CENPN: variants seen among roughly 807,000 people sequenced by gnomAD.
CENPN encodes interphase centromere complex protein 32.
A neutral mutation model predicts 48.6 loss-of-function variants in CENPN; 36 were observed. The ratio of observed to expected loss-of-function variants is 0.74; its 90% confidence interval spans 0.57 to 0.98. CENPN has a LOEUF of 0.98. Ranked by LOEUF, CENPN falls within the 50% of genes least tolerant of loss-of-function variation. CENPN has a pLI of 0.00. For missense variants in CENPN, 439 were observed against 399.2 expected, an observed-to-expected ratio of 1.10 and a Z score of -0.85; for synonymous variants, 166 against 135.2, an observed-to-expected ratio of 1.23 and a Z score of -1.58.
At chr16:81,015,369 T>C (rs1264179395) in intron 3 of CENPN, among the ~76,000 whole-genome samples, 1 of 152,256 alleles carries the variant, frequency 6.6e-6, no homozygotes, top group Admixed American at 6.5e-5. Context: ...TTAACATCTC[T>C]GTGGCATACC....
At chr16:81,007,677 C>T (rs568021715) in intron 1 of CENPN, among the ~76,000 whole-genome samples, 7 of 152,334 alleles carry the variant, frequency 4.6e-5, no homozygotes, top group African/African-American at 1.2e-4. Flanking sequence ...TTGCTCCTCG[C>T]ATTGCCTGTT....
chr16:81,007,996 A>G (rs878969344), intron 1 of CENPN, among the ~76,000 whole-genome samples: 1 of 151,984 alleles, frequency 6.6e-6, no homozygotes, highest in Admixed American at 6.6e-5. Context: ...AATCCCAGCT[A>G]TTTGGGAGGC....
At position 81,030,395 on chromosome 16, in the gene CENPN, A is replaced by G; in HGVS notation, c.*1744A>G. 1.0e-6 allele frequency: 1 copy of G among 985,158 alleles called. No individual in the cohort carries two copies. Among genetic ancestry groups the G allele is most frequent in the Non-Finnish European group, 1.2e-6 (1 of 829,772 alleles). The allele number at this position is 985,158 out of a possible 1,614,324, so 61.0% of individuals were successfully genotyped here. On this transcript the variant is annotated 3_prime_UTR_variant, in exon 11 of 11. Coordinates refer to ENST00000305850, the MANE Select transcript of CENPN (RefSeq NM_001100624.3). The stretch of plus-strand genomic sequence containing the variant: ...TACTCTCACACTTCTGATACCAGAT[A>G]TGTGGGGGAGGGGGTTTCCCCCACA...
intron 1 of CENPN, among the ~76,000 whole-genome samples, chr16:81,010,840 G>A (rs956675055): frequency 3.9e-5 from 6 of 152,084 alleles, no homozygotes; most frequent in Admixed American, 2.6e-4. Context: ...TGGAAACCCC[G>A]TGAGTTCCCT....
chr16:81,026,431 T>C, intron 8 of CENPN, 95 bp from the exon 9 acceptor site: 1 of 524,922 alleles, frequency 1.9e-6, no homozygotes. Flanking sequence ...TTTAAAATTA[T>C]ACAAACAATT....
intron 5 of CENPN, among the ~76,000 whole-genome samples, chr16:81,019,745 A>G (rs1293180161): frequency 6.6e-6 from 1 of 151,970 alleles, no homozygotes; most frequent in East Asian, 1.9e-4. Context: ...GCATGATGGC[A>G]CGTGCCTGTG....
chr16:81,010,947 A>G (rs1256532445), intron 1 of CENPN, among the ~76,000 whole-genome samples: 1 of 152,166 alleles, frequency 6.6e-6, no homozygotes, highest in East Asian at 1.9e-4. Flanking sequence ...TACAGTAGCG[A>G]GATTGATCCT....
chr16:81,028,295 C>A lies in CENPN; in HGVS notation c.935C>A (p.Ala312Glu). 1 of 1,613,988 alleles carries A rather than the reference C, an allele frequency of 6.2e-7. No individual in the cohort carries two copies. Among genetic ancestry groups the A allele is most frequent in the Non-Finnish European group, 8.5e-7 (1 of 1,179,934 alleles). Residue 312 changes from alanine to glutamate, a missense_variant and splice_region_variant, in exon 10 of 11, where the codon GCG (alanine) becomes GAG (glutamate). Transcript: ENST00000305850. ...LLEALKSLAP[A>E]GIADAPLSPL... Reference sequence around the variant, plus strand: ...GAAGCATTGAAATCCTTAGCACCAGCGGGTGAGTGGTCAGCTTACTCTATA... The same window carrying A: ...GAAGCATTGAAATCCTTAGCACCAGAGGGTGAGTGGTCAGCTTACTCTATA...
chr16:81,032,237 A>G (rs1441610962), downstream of CENPN, among the ~76,000 whole-genome samples: 3 of 152,228 alleles, frequency 2.0e-5, no homozygotes, highest in Non-Finnish European at 4.4e-5. Flanking sequence ...AGACTGAGGA[A>G]TAGAGCCACA....
chr16:81,024,239 A>G (rs993301427), intron 7 of CENPN: 1 of 139,052 alleles, frequency 7.2e-6, no homozygotes, highest in South Asian at 2.3e-4. Flanking sequence ...GATATTGTCT[A>G]AAAAAAAAAA....
At chr16:81,032,780 T>A, downstream of CENPN, 2 of 1,350,198 alleles carry the variant, frequency 1.5e-6, no homozygotes, top group Non-Finnish European at 2.0e-6. Context: ...TATAGACTAA[T>A]GCAGGCCTCC....
downstream of CENPN, chr16:81,032,520 C>G: frequency 2.0e-6 from 3 of 1,519,898 alleles, no homozygotes; most frequent in Non-Finnish European, 2.7e-6. Context: ...GTCTTTTCTC[C>G]TATTAATCCG....
chr16:81,030,153 T>G lies in CENPN; in HGVS notation c.*1502T>G. ...TCCACCTGGCCCTGCCCTTGTCACATGGGGGTTATTACAATTCAAGGTGAC... is the reference window on the plus strand; with the variant it reads ...TCCACCTGGCCCTGCCCTTGTCACAGGGGGGTTATTACAATTCAAGGTGAC... On this transcript the variant is annotated 3_prime_UTR_variant, in exon 11 of 11. Transcript: ENST00000305850. 2.6e-5 allele frequency: 25 copies of G among 966,974 alleles called. No individual in the cohort carries two copies. The highest frequency in any genetic ancestry group is 3.0e-5 in the Non-Finnish European group (24 of 813,282). The allele number at this position is 966,974 out of a possible 1,614,324, so 59.9% of individuals were successfully genotyped here. A position where few individuals can be genotyped will look rare whatever the true frequency, so the allele number is the denominator to read the frequency against.
chr16:81,026,607 C>T lies in CENPN; in HGVS notation c.779C>T (p.Pro260Leu). 1 of 1,597,046 alleles carries T rather than the reference C, an allele frequency of 6.3e-7. No homozygotes were observed. The highest frequency in any genetic ancestry group is 8.6e-7 in the Non-Finnish European group (1 of 1,166,818). The change falls in exon 9 of 11, where the codon CCT (proline) becomes CTT (leucine). Residue 260 changes from proline (P) to leucine (L), a missense_variant. By Grantham distance (98) the Pro-to-Leu change is moderately conservative. Transcript: ENST00000305850. Reference sequence around the variant, plus strand: ...ACTCAAGAAACATTTGGAGATTATCCTCAACCACAACTAGAATTTGCACAA... The same window carrying T: ...ACTCAAGAAACATTTGGAGATTATCTTCAACCACAACTAGAATTTGCACAA... ...RITQETFGDY[P>L]QPQLEFAQYK...
At position 81,028,781 on chromosome 16, in the gene CENPN, A is replaced by G; in HGVS notation, c.*130A>G. ...GAATCCTTGGTATTGAATTTTTAGA[A>G]ATGCTCACATAATTGTTGGGACTGA... On this transcript the variant is annotated 3_prime_UTR_variant, in exon 11 of 11. Transcript: ENST00000305850. The G allele has an allele frequency of 6.9e-7, 1 of 1,439,694 alleles. No homozygotes were observed. Among genetic ancestry groups the G allele is most frequent in the Non-Finnish European group, 9.1e-7 (1 of 1,099,720 alleles). The allele number at this position is 1,439,694 out of a possible 1,614,324, so 89.2% of individuals were successfully genotyped here. A position where few individuals can be genotyped will look rare whatever the true frequency, so the allele number is the denominator to read the frequency against.
downstream of CENPN, chr16:81,032,771 A>T: frequency 1.4e-6 from 2 of 1,422,014 alleles, no homozygotes; most frequent in Non-Finnish European, 1.9e-6. Context: ...GCTAACTGCT[A>T]TAGACTAATG....
intron 3 of CENPN, among the ~76,000 whole-genome samples, chr16:81,015,025 G>C (rs1021431478): frequency 6.6e-6 from 1 of 152,208 alleles, no homozygotes. Context: ...GCTAAGCTAA[G>C]ATATATGAAG....
chr16:81,021,658 G>C (rs1318348765), intron 6 of CENPN, among the ~76,000 whole-genome samples: 1 of 151,992 alleles, frequency 6.6e-6, no homozygotes, highest in Non-Finnish European at 1.5e-5. Flanking sequence ...TTACATTTGG[G>C]GTCTCCTGCT....
chr16:81,019,616 A>G (rs1386870093), intron 5 of CENPN, among the ~76,000 whole-genome samples: 30 of 152,132 alleles, frequency 2.0e-4, no homozygotes. Context: ...CTCATTTGTA[A>G]GGCTGCCTTA....
Sources: allele counts gnomAD v4.1 joint callset (sites outside exome capture counted in the v4.1 genomes callset), GRCh38; gene constraint gnomAD v4.1.1; transcripts MANE v1.5; gene names NCBI Gene and HGNC (gene_info 2026-07-23, HGNC 2026-07-21).